The following MYPN variants were observed in gnomAD, a reference collection of about 807,000 sequenced individuals.
MYPN encodes myopalladin.
Under a neutral mutation model 129.4 loss-of-function variants are expected in MYPN, and 63 were observed. That is an observed-to-expected ratio of 0.49 (90% CI 0.40 to 0.60). MYPN has a LOEUF of 0.60. MYPN is among the 20% of genes least tolerant of loss of function. The pLI, the probability that MYPN is intolerant of heterozygous loss-of-function variation, is 0.00. For missense variants in MYPN, 1,596 were observed against 1,635.4 expected (o/e 0.98, Z 0.42); for synonymous variants, 629 against 600.9 (o/e 1.05, Z -0.68).
intron 2 of MYPN, among the ~76,000 whole-genome samples, chr10:68,129,661 A>C (rs967226784): frequency 5.3e-5 from 8 of 152,174 alleles, no homozygotes; most frequent in African/African-American, 1.7e-4. Flanking sequence ...TTCCAAAGGA[A>C]TTGTTTTGAT....
chr10:68,179,033 C>T (rs572596018), intron 12 of MYPN, among the ~76,000 whole-genome samples: 5 of 152,098 alleles, frequency 3.3e-5, no homozygotes, highest in East Asian at 3.9e-4. Context: ...TACTGCCCTA[C>T]GTGACAGAGG....
At chr10:68,201,233 C>T (rs2043704377) in intron 17 of MYPN, among the ~76,000 whole-genome samples, 2 of 152,148 alleles carry the variant, frequency 1.3e-5, no homozygotes, top group Non-Finnish European at 2.9e-5. Flanking sequence ...CATTTGCATC[C>T]CATGCGAACG....
rs558806444 is a variant in MYPN, at chr10:68,196,339, A to G, written c.3158+807A>G. Among the ~76,000 whole-genome samples the G allele has an allele frequency of 1.3e-5, 2 of 152,286 alleles. 1 individual carries two copies. The highest frequency in any genetic ancestry group is 4.8e-5 in the African/African-American group (2 of 41,558). On this transcript the variant is annotated intron_variant, in intron 15 of 19. Transcript: ENST00000358913. ...AGAAAGAGCCTGGCTTTCCACCTGA[A>G]TCTTACGGTGCCACGAAGTCTTAGC... is the stretch of plus-strand genomic sequence containing the variant.
Position 68,117,941 on chromosome 10 carries a change from C to T in MYPN, c.-1-3497C>T, listed in dbSNP as rs77156025. Among the ~76,000 whole-genome samples the T allele has an allele frequency of 8.8e-3, 1,336 of 152,068 alleles. 37 individuals carry two copies. The East Asian group carries it at 0.095, about 11-fold the overall frequency. ...TAAACTGAGGCATATAGAGTTTAAA[C>T]TTTCCCAAGTTTATACGAGGATATT... On this transcript the variant is annotated intron_variant, in intron 1 of 19. Transcript: ENST00000358913.
intron 2 of MYPN, among the ~76,000 whole-genome samples, chr10:68,140,208 C>G (rs983807015): frequency 6.6e-6 from 1 of 152,042 alleles, no homozygotes; most frequent in African/African-American, 2.4e-5. Context: ...GTGGTTGGAA[C>G]ATATTGAAGG....
chr10:68,125,535 T>C (rs1488851713), intron 2 of MYPN, among the ~76,000 whole-genome samples: 1 of 152,230 alleles, frequency 6.6e-6, no homozygotes, highest in Non-Finnish European at 1.5e-5. Context: ...GTTTTTACTG[T>C]GTGTTCGGCA....
intron 1 of MYPN, 89 bp downstream of exon 1, chr10:68,109,812 T>C: frequency 2.6e-6 from 1 of 380,840 alleles, no homozygotes; most frequent in South Asian, 2.0e-5. Flanking sequence ...TCATTACTGT[T>C]ACTTGAAATG....
At chr10:68,136,363 C>A in intron 2 of MYPN, 2 of 860,324 alleles carry the variant, frequency 2.3e-6, no homozygotes, top group South Asian at 4.7e-5. Flanking sequence ...TACTGCCATT[C>A]TGTAAGTGTC....
chr10:68,102,354 C>T (rs1402757442), upstream of MYPN, among the ~76,000 whole-genome samples: 11 of 152,042 alleles, frequency 7.2e-5, no homozygotes, highest in Admixed American at 7.2e-4. Context: ...GTCTCAAACT[C>T]CTAGGCTCAA....
At chr10:68,188,705 C>T (rs756712272) in intron 12 of MYPN, among the ~76,000 whole-genome samples, 200 bp from the exon 13 acceptor site, 3 of 152,106 alleles carry the variant, frequency 2.0e-5, no homozygotes, top group South Asian at 2.1e-4. Context: ...TCACTAAGGC[C>T]GTGTGGGATT....
intron 1 of MYPN, among the ~76,000 whole-genome samples, chr10:68,098,895 A>G (rs1281643966): frequency 6.6e-6 from 1 of 152,192 alleles, no homozygotes; most frequent in Admixed American, 6.5e-5. Context: ...GAGATTTCCC[A>G]TAGTAGCCAG....
chr10:68,168,446 G>A (rs1020023641), intron 10 of MYPN, among the ~76,000 whole-genome samples: 3 of 152,202 alleles, frequency 2.0e-5, no homozygotes, highest in Admixed American at 2.0e-4. Context: ...ATTTAAAGAG[G>A]TTTATTCTAA....
intron 2 of MYPN, among the ~76,000 whole-genome samples, chr10:68,125,755 G>A (rs1458269884): frequency 6.6e-6 from 1 of 152,190 alleles, no homozygotes; most frequent in Non-Finnish European, 1.5e-5. Flanking sequence ...GAAAATTTAG[G>A]TAGAAAGTTT....
At chr10:68,124,537 T>C (rs1208795728) in intron 2 of MYPN, among the ~76,000 whole-genome samples, 10 of 152,200 alleles carry the variant, frequency 6.6e-5, no homozygotes, top group Non-Finnish European at 1.5e-4. Flanking sequence ...ATTCATATAT[T>C]GATTTTTGCT....
chr10:68,174,423 G>C lies in MYPN; in HGVS notation c.2331G>C (p.Gly777=), dbSNP rs2043193631. ...CTGTGCAAACCAAATCTCCAGGAGG[G>C]CTTTCCATCCAAAATGAGCCACTCC... ...HPSVQTKSPG[G]LSIQNEPLPP... is the part of the protein sequence containing the mutation. The change falls in exon 11 of 20, where the codon GGG becomes GGC. Residue 777 remains glycine, a synonymous_variant. Transcript: ENST00000358913. 6.2e-7 allele frequency: 1 copy of C among 1,613,924 alleles called. No homozygotes were observed. The highest frequency in any genetic ancestry group is 1.3e-5 in the African/African-American group (1 of 74,862).
At chr10:68,089,954 T>C (rs2041923552) in intron 1 of MYPN, among the ~76,000 whole-genome samples, 1 of 152,204 alleles carries the variant, frequency 6.6e-6, no homozygotes, top group African/African-American at 2.4e-5. Flanking sequence ...AGAACTTATA[T>C]GGGACACAGC....
Position 68,189,001 on chromosome 10 carries a change from CATG to C in MYPN, c.2805_2807del (p.Asp935del). On this transcript the variant is annotated inframe_deletion, in exon 13 of 20. Transcript: ENST00000358913. ...TGATGAATCAGATGATGAAATTCAA[CATG>C]ATGAGATCCCCACGGGCAAGTGTAT... The C allele has an allele frequency of 6.2e-7, 1 of 1,614,106 alleles. No individual in the cohort carries two copies. The highest frequency in any genetic ancestry group is 8.5e-7 in the Non-Finnish European group (1 of 1,180,000).
intron 7 of MYPN, 43 bp downstream of exon 7, chr10:68,158,670 T>A (rs1396911817): frequency 7.2e-7 from 1 of 1,396,598 alleles, no homozygotes; most frequent in Non-Finnish European, 1.0e-6. Context: ...TTTGTTTTTA[T>A]GAACTTATTG....
chr10:68,134,966 T>G (rs2042464426), intron 2 of MYPN, among the ~76,000 whole-genome samples: 1 of 152,064 alleles, frequency 6.6e-6, no homozygotes, highest in Admixed American at 6.6e-5. Context: ...TTTATTATTT[T>G]TTTTGAAACA....
Sources: allele counts gnomAD v4.1 joint callset (sites outside exome capture counted in the v4.1 genomes callset), GRCh38; gene constraint gnomAD v4.1.1; transcripts MANE v1.5; gene names NCBI Gene and HGNC (gene_info 2026-07-23, HGNC 2026-07-21).